The following UPF2 variants were observed in gnomAD, a reference collection of about 807,000 sequenced individuals.
UPF2 encodes the protein regulator of nonsense transcripts 2.
Under a neutral mutation model 141.4 loss-of-function variants are expected in UPF2, and 17 were observed. The ratio of observed to expected loss-of-function variants is 0.12; its 90% confidence interval spans 0.08 to 0.18. The LOEUF is 0.18. UPF2 is among the 10% of genes least tolerant of loss of function. The pLI is 1.00. For synonymous variants in UPF2, 540 were observed against 498.0 expected (o/e 1.08, Z -1.12); for missense variants, 1,152 against 1,515.9 (o/e 0.76, Z 3.99).
intron 4 of UPF2, among the ~76,000 whole-genome samples, chr10:12,013,490 G>C (rs1354095104): frequency 6.6e-6 from 1 of 151,954 alleles, no homozygotes; most frequent in Non-Finnish European, 1.5e-5. Context: ...GGTCAGGCTG[G>C]TCTTGAACTC....
intron 9 of UPF2, among the ~76,000 whole-genome samples, chr10:11,974,099 C>T (rs1323409795): frequency 6.6e-6 from 1 of 152,124 alleles, no homozygotes; most frequent in African/African-American, 2.4e-5. Flanking sequence ...TCCTTTACAT[C>T]CCTTGTAAGT....
In UPF2 at chr10:11,959,239, G is replaced by T; in HGVS notation, c.2302C>A (p.Arg768Ser). Residue 768 changes from arginine to serine, a missense_variant, in exon 12 of 22, where the codon CGT becomes AGT. Coordinates refer to ENST00000357604, the MANE Select transcript of UPF2 (RefSeq NM_015542.4). The surrounding 1 kb of genome is among the most constrained non-coding windows in gnomAD (Gnocchi z 5.9). Reference protein sequence around the residue: ...PPAEKTVKKKRPPLQEYVRKL... With the variant: ...PPAEKTVKKKSPPLQEYVRKL... ...CGGACATATTCCTGGAGAGGAGGAC[G>T]TTTCTTTTTCACGGTTTTTTCAGCT... 1 of 1,613,630 alleles carries T rather than the reference G, an allele frequency of 6.2e-7. No individual in the cohort carries two copies. Among genetic ancestry groups the T allele is most frequent in the Non-Finnish European group, 8.5e-7 (1 of 1,179,882 alleles).
intron 2 of UPF2, among the ~76,000 whole-genome samples, chr10:12,033,904 A>G (rs1834573458): frequency 6.6e-6 from 1 of 152,164 alleles, no homozygotes; most frequent in Non-Finnish European, 1.5e-5. Context: ...GTCACTGCTG[A>G]TGCATCTCTG....
At chr10:11,973,690 G>A (rs1229205729) in intron 9 of UPF2, among the ~76,000 whole-genome samples, 1 of 152,124 alleles carries the variant, frequency 6.6e-6, no homozygotes. Flanking sequence ...AGATCAGATG[G>A]TTGTAGATGT....
chr10:11,970,494 C>G (rs79534965), intron 9 of UPF2, among the ~76,000 whole-genome samples: 1 of 151,572 alleles, frequency 6.6e-6, no homozygotes, highest in Non-Finnish European at 1.5e-5. Flanking sequence ...TGAGAAAACA[C>G]GTAAGAAAGC....
Position 11,965,944 on chromosome 10 carries a change from C to T in UPF2, c.2067+1397G>A, listed in dbSNP as rs139705990. On this transcript the variant is annotated intron_variant, in intron 10 of 21. Coordinates refer to ENST00000357604, the MANE Select transcript of UPF2 (RefSeq NM_015542.4). ...TTATAGAAAAAAACAACCTTAGTAA[C>T]GGAATGATCAATTTCAAATGCAGAA... Among the ~76,000 whole-genome samples, 238 of 152,178 alleles carry T rather than the reference C, an allele frequency of 1.6e-3. 1 individual carries two copies. Among genetic ancestry groups the T allele is most frequent in the African/African-American group, 5.3e-3 (220 of 41,528 alleles).
intron 2 of UPF2, among the ~76,000 whole-genome samples, chr10:12,032,878 T>C (rs975556781): frequency 6.6e-6 from 1 of 151,826 alleles, no homozygotes; most frequent in Non-Finnish European, 1.5e-5. Flanking sequence ...GAGCCTGTAA[T>C]GACAGCTACT....
At position 11,921,435 on chromosome 10, in the gene UPF2, G is replaced by T; in HGVS notation, c.3810-128C>A. On this transcript the variant is annotated intron_variant, in intron 21 of 21. Coordinates refer to ENST00000357604, the MANE Select transcript of UPF2 (RefSeq NM_015542.4). The surrounding 1 kb of genome is among the most constrained non-coding windows in gnomAD (Gnocchi z 5.9). The stretch of plus-strand genomic sequence containing the variant: ...CAAGTTACAGGTGGCCCTGGCATCT[G>T]CGGGTTCCACATCCATGGACCAAAA... The T allele has an allele frequency of 1.8e-6, 2 of 1,129,716 alleles. No homozygotes were observed. Among genetic ancestry groups the T allele is most frequent in the Non-Finnish European group, 2.6e-6 (2 of 765,814 alleles). The allele number at this position is 1,129,716 out of a possible 1,614,324, so 70.0% of individuals were successfully genotyped here.
Position 12,014,226 on chromosome 10 carries a change from A to C in UPF2, c.1146-42T>G. 1 of 1,331,390 alleles carries C rather than the reference A, an allele frequency of 7.5e-7. No homozygotes were observed. The highest frequency in any genetic ancestry group is 2.6e-5 in the South Asian group (1 of 38,014). 82.5% of individuals were successfully genotyped at this position (1,331,390 alleles called of 1,614,324 possible). A position where few individuals can be genotyped will look rare whatever the true frequency, so the allele number is the denominator to read the frequency against. On this transcript the variant is annotated intron_variant, in intron 3 of 21. Transcript: ENST00000357604. The surrounding 1 kb of genome is among the most constrained non-coding windows in gnomAD (Gnocchi z 5.0). ...TCATCTGACAGTCTTATCAAAATAG[A>C]TGTGATCACAAATTGTTATATATGG...
intron 3 of UPF2, among the ~76,000 whole-genome samples, chr10:12,025,214 C>A (rs1203039671): frequency 6.6e-6 from 1 of 151,954 alleles, no homozygotes; most frequent in Non-Finnish European, 1.5e-5. Context: ...ATTCTCACAT[C>A]CTCAAATCAT....
chr10:12,031,638 T>G (rs974937316), intron 2 of UPF2, among the ~76,000 whole-genome samples: 13 of 152,058 alleles, frequency 8.5e-5, no homozygotes, highest in African/African-American at 3.1e-4. Flanking sequence ...TAGCTGGACA[T>G]GGTGGCACAT....
At chr10:12,024,541 C>T (rs907342464) in intron 3 of UPF2, among the ~76,000 whole-genome samples, 8 of 152,016 alleles carry the variant, frequency 5.3e-5, no homozygotes, top group East Asian at 3.9e-4. Context: ...ACCCAGGAGG[C>T]GGAGGTTGCA....
At chr10:11,948,342 T>A in intron 16 of UPF2, 27 bp downstream of exon 16, 1 of 1,552,316 alleles carries the variant, frequency 6.4e-7, no homozygotes, top group Non-Finnish European at 8.7e-7. Context: ...AAATGTACTC[T>A]ATGTTGCTAC....
chr10:11,968,775 T>C (rs11596377), intron 9 of UPF2, among the ~76,000 whole-genome samples: 9,122 of 152,282 alleles, frequency 0.06, 372 homozygotes, highest in Non-Finnish European at 0.092. Flanking sequence ...CAGAATTCCA[T>C]TTTCATCGGA....
intron 9 of UPF2, among the ~76,000 whole-genome samples, chr10:11,972,995 C>T (rs1833446501): frequency 6.6e-6 from 1 of 152,200 alleles, no homozygotes; most frequent in East Asian, 1.9e-4. Context: ...TTTACAGTCC[C>T]ACCAACAGTG....
At position 11,985,586 on chromosome 10, in the gene UPF2, A is replaced by C. The variant is rs962058590; in HGVS notation, c.1845-6421T>G. ...CGGGAGGCGGAGCTTGCGCCACTGCACTCCAGCCTGGGCGACACAGCAAGA... is the reference window on the plus strand; with the variant it reads ...CGGGAGGCGGAGCTTGCGCCACTGCCCTCCAGCCTGGGCGACACAGCAAGA... On this transcript the variant is annotated intron_variant, in intron 8 of 21. Transcript: ENST00000357604. Among the ~76,000 whole-genome samples, 4 of 148,130 alleles carry C rather than the reference A, an allele frequency of 2.7e-5. No homozygotes were observed. In the Admixed American group the frequency reaches 2.8e-4, roughly 10 times the overall value.
chr10:11,944,105 G>A (rs1336372749), intron 16 of UPF2, among the ~76,000 whole-genome samples: 1 of 152,054 alleles, frequency 6.6e-6, no homozygotes, highest in African/African-American at 2.4e-5. Context: ...ACTTAAATGT[G>A]TTACATTATC....
chr10:12,015,650 C>T (rs1163961242), intron 3 of UPF2, among the ~76,000 whole-genome samples: 5 of 152,040 alleles, frequency 3.3e-5, no homozygotes, highest in Non-Finnish European at 5.9e-5. Flanking sequence ...TGCAGTGAGC[C>T]GAGATCGTGC....
At position 12,035,357 on chromosome 10, in the gene UPF2, T is replaced by G; in HGVS notation, c.67A>C (p.Lys23Gln). The G allele has an allele frequency of 6.2e-7, 1 of 1,604,218 alleles. No homozygotes were observed. The highest frequency in any genetic ancestry group is 8.5e-7 in the Non-Finnish European group (1 of 1,177,756). ...ACTGTCCGCCTTTCACTGCAGTCTT[T>G]TTCCTTGTTGTTTGGTAAAGAGTCT... ...EKDSLPNNKEKDCSERRTVSS... is the reference protein window; with the variant it reads ...EKDSLPNNKEQDCSERRTVSS... Residue 23 changes from lysine (K) to glutamine (Q), a missense_variant, in exon 2 of 22, where the codon AAA becomes CAA. By Grantham distance (53) the Lys-to-Gln change is moderately conservative (BLOSUM62 1). Coordinates refer to ENST00000357604, the MANE Select transcript of UPF2 (RefSeq NM_015542.4).
Sources: gnomAD v4.1 joint callset for allele counts (sites outside exome capture counted in the v4.1 genomes callset) on GRCh38, gnomAD v4.1.1 for gene constraint, Gnocchi (gnomAD v3.1) non-coding constraint, MANE v1.5 for transcripts, NCBI Gene and HGNC (gene_info 2026-07-23, HGNC 2026-07-21) for gene names.